The following SEPTIN9 variants were observed in gnomAD, a reference collection of about 807,000 sequenced individuals.
SEPTIN9 encodes septin-9.
A neutral mutation model predicts 56.6 loss-of-function variants in SEPTIN9; 13 were observed. That is an observed-to-expected ratio of 0.23 (90% CI 0.15 to 0.37). SEPTIN9 has a LOEUF of 0.37. SEPTIN9 is among the 10% of genes least tolerant of loss of function. The pLI, the probability that SEPTIN9 is intolerant of heterozygous loss-of-function variation, is 1.00. For missense variants in SEPTIN9, 650 were observed against 823.1 expected, an observed-to-expected ratio of 0.79 and a Z score of 2.57; for synonymous variants, 332 against 334.1, an observed-to-expected ratio of 0.99 and a Z score of 0.07.
intron 3 of SEPTIN9, chr17:77,469,394 G>C (rs1037233783): frequency 2.0e-5 from 3 of 152,494 alleles, no homozygotes; most frequent in African/African-American, 4.8e-5. Flanking sequence ...CAGCTAGGAG[G>C]CAAGGGTGAC....
Position 77,319,729 on chromosome 17 carries a change from T to C in SEPTIN9, c.76+12532T>C. 2 of 1,070,514 alleles carry C rather than the reference T, an allele frequency of 1.9e-6. No individual in the cohort carries two copies. The highest frequency in any genetic ancestry group is 2.3e-6 in the Non-Finnish European group (2 of 881,934). The allele number at this position is 1,070,514 out of a possible 1,614,324, so 66.3% of individuals were successfully genotyped here. On this transcript the variant is annotated intron_variant, in intron 2 of 11. Transcript: ENST00000427177. The surrounding 1 kb of genome is among the most constrained non-coding windows in gnomAD (Gnocchi z 5.3). The stretch of plus-strand genomic sequence containing the variant: ...CGCAGGAACTGGGCTTTTTAAACCC[T>C]TAAGCCCAAGGAAATCGTAGCATCG...
intron 2 of SEPTIN9, among the ~76,000 whole-genome samples, chr17:77,395,267 C>T (rs2035668550): frequency 6.6e-6 from 1 of 151,924 alleles, no homozygotes; most frequent in South Asian, 2.1e-4. Context: ...GTGGCTCACG[C>T]CTGTAATCGC....
intron 7 of SEPTIN9, among the ~76,000 whole-genome samples, chr17:77,490,431 A>G (rs2039975712): frequency 6.6e-6 from 1 of 152,216 alleles, no homozygotes; most frequent in South Asian, 2.1e-4. Context: ...TGCTGAGCCA[A>G]CGACAGCCCT....
rs144971305 is a variant in SEPTIN9, at chr17:77,398,525, G to A, written c.77-3534G>A. The stretch of plus-strand genomic sequence containing the variant: ...AGGAGGAGGAGGCGGTGGCATGCTC[G>A]TTTGGGGGGATGGCGTGAGCCAGGG... On this transcript the variant is annotated intron_variant, in intron 2 of 11. Coordinates refer to ENST00000427177, the MANE Select transcript of SEPTIN9 (RefSeq NM_001113491.2). 8.0e-3 allele frequency among the ~76,000 whole-genome samples: 1,217 copies of A among 152,300 alleles called. 20 individuals are homozygous for A. The highest frequency in any genetic ancestry group is 0.028 in the African/African-American group (1,154 of 41,570).
At chr17:77,308,310 G>A (rs1000282634) in intron 2 of SEPTIN9, among the ~76,000 whole-genome samples, 2 of 152,214 alleles carry the variant, frequency 1.3e-5, no homozygotes, top group Admixed American at 1.3e-4. Context: ...CAAATAGAGC[G>A]CCTGTGGACC....
intron 3 of SEPTIN9, among the ~76,000 whole-genome samples, chr17:77,443,365 G>T (rs1260801865): frequency 1.3e-5 from 2 of 152,142 alleles, no homozygotes; most frequent in African/African-American, 4.8e-5. Context: ...GAATAATAGA[G>T]CTGGCTACAG....
chr17:77,491,427 G>A (rs2040023127), intron 8 of SEPTIN9, among the ~76,000 whole-genome samples: 1 of 151,774 alleles, frequency 6.6e-6, no homozygotes, highest in South Asian at 2.1e-4. Flanking sequence ...CTAACCCTTG[G>A]GCTCAAGGGA....
intron 3 of SEPTIN9, among the ~76,000 whole-genome samples, chr17:77,478,496 A>C (rs747085252): frequency 6.6e-6 from 1 of 152,234 alleles, no homozygotes; most frequent in Non-Finnish European, 1.5e-5. Context: ...GCCCGCGGTC[A>C]AATGAATGGA....
intron 2 of SEPTIN9, chr17:77,376,810 A>G (rs544664818): frequency 2.6e-5 from 4 of 152,364 alleles, no homozygotes; most frequent in South Asian, 2.1e-4. Flanking sequence ...AATTCTGCCA[A>G]TGTCCCATGT....
chr17:77,408,802 A>G (rs1598327540), intron 3 of SEPTIN9, among the ~76,000 whole-genome samples: 2 of 152,282 alleles, frequency 1.3e-5, no homozygotes, highest in Admixed American at 6.5e-5. Context: ...GAAGGGCCCC[A>G]TAGACAGCCC....
At chr17:77,428,465 A>G (rs1278809281) in intron 3 of SEPTIN9, among the ~76,000 whole-genome samples, 1 of 152,222 alleles carries the variant, frequency 6.6e-6, no homozygotes, top group Non-Finnish European at 1.5e-5. Flanking sequence ...TATCCAGAAA[A>G]AGAGGAACTA....
rs552085062 is a variant in SEPTIN9, at chr17:77,441,359, C to T, written c.721+38656C>T. Among the ~76,000 whole-genome samples the T allele has an allele frequency of 4.4e-4, 67 of 152,314 alleles. 1 individual carries two copies. Among genetic ancestry groups the T allele is most frequent in the African/African-American group, 1.5e-3 (61 of 41,578 alleles). Reference sequence around the variant, plus strand: ...AGGTCTGACACTGCGGCCCCTGCCCCGGAGGGAAAAACAAGGCCCTCTCTG... The same window carrying T: ...AGGTCTGACACTGCGGCCCCTGCCCTGGAGGGAAAAACAAGGCCCTCTCTG... On this transcript the variant is annotated intron_variant, in intron 3 of 11. Coordinates refer to ENST00000427177, the MANE Select transcript of SEPTIN9 (RefSeq NM_001113491.2).
intron 2 of SEPTIN9, among the ~76,000 whole-genome samples, chr17:77,347,441 T>G (rs2033925161): frequency 6.6e-6 from 1 of 152,076 alleles, no homozygotes; most frequent in Admixed American, 6.6e-5. Flanking sequence ...CCTTTAATTC[T>G]TTCAGGTTTT....
Position 77,438,848 on chromosome 17 carries a change from T to C in SEPTIN9, c.721+36145T>C, listed in dbSNP as rs188750073. Among the ~76,000 whole-genome samples the C allele has an allele frequency of 1.5e-4, 23 of 152,338 alleles. No individual in the cohort carries two copies. In the South Asian group the frequency reaches 2.3e-3, roughly 15 times the overall value. ...CCGGAAGAATTAGGATAAATTCCCC[T>C]GTGGATCTCAAGCTCTGGGAGATTC... On this transcript the variant is annotated intron_variant, in intron 3 of 11. Transcript: ENST00000427177.
At chr17:77,457,484 G>A (rs760695979) in intron 3 of SEPTIN9, among the ~76,000 whole-genome samples, 2 of 152,238 alleles carry the variant, frequency 1.3e-5, no homozygotes, top group African/African-American at 4.8e-5. Flanking sequence ...CGTTAAGCGA[G>A]TTCCGTGTTT....
Position 77,329,624 on chromosome 17 carries a change from G to T in SEPTIN9, c.76+22427G>T, listed in dbSNP as rs913860514. On this transcript the variant is annotated intron_variant, in intron 2 of 11. Coordinates refer to ENST00000427177, the MANE Select transcript of SEPTIN9 (RefSeq NM_001113491.2). This position sits in a 1 kb window ranked among gnomAD's most constrained non-coding sequence, Gnocchi z 4.3. ...GTTTCGTGGGATGCTGAGTCTCTGG[G>T]CAGGGACATGGTGAGCCCTGGTGTG... Among the ~76,000 whole-genome samples the T allele has an allele frequency of 1.3e-5, 2 of 152,074 alleles. No homozygotes were observed. The highest frequency in any genetic ancestry group is 4.8e-5 in the African/African-American group (2 of 41,404).
intron 3 of SEPTIN9, among the ~76,000 whole-genome samples, chr17:77,458,720 G>A (rs2038327881): frequency 6.6e-6 from 1 of 152,200 alleles, no homozygotes; most frequent in Non-Finnish European, 1.5e-5. Context: ...TGAGTGGCGG[G>A]CGGGAAGTGG....
In SEPTIN9 at chr17:77,493,034, A is replaced by C. The variant is rs768075619; in HGVS notation, c.1531A>C (p.Lys511Gln). 8 of 1,569,050 alleles carry C rather than the reference A, an allele frequency of 5.1e-6. No homozygotes were observed. In the East Asian group the frequency reaches 1.7e-4, roughly 33 times the overall value. The change falls in exon 10 of 12, where the codon AAG (lysine) becomes CAG (glutamine). Residue 511 changes from lysine (K) to glutamine (Q), a missense_variant. By Grantham distance (53) the Lys-to-Gln change is moderately conservative. This residue lies in a region of SEPTIN9 where 333 missense variants were observed against 494.0 expected (regional missense o/e 0.67). Transcript: ENST00000427177. ...GSDHEYQVNG[K>Q]RILGRKTKWG... The stretch of plus-strand genomic sequence containing the variant: ...TGACCACGAGTACCAGGTCAACGGC[A>C]AGAGGATCCTTGGGAGGAAGACCAA...
rs567420746 is a variant in SEPTIN9 at position 77,309,207 on chromosome 17, G to A, written c.76+2010G>A. ...CTGCATGGACACAGCCTCCCCCGGC[G>A]GTTGCTTCCCTCTGCTCAGACTGGC... On this transcript the variant is annotated intron_variant, in intron 2 of 11. Coordinates refer to ENST00000427177, the MANE Select transcript of SEPTIN9 (RefSeq NM_001113491.2). Among the ~76,000 whole-genome samples, 19 of 152,372 alleles carry A rather than the reference G, an allele frequency of 1.2e-4. No homozygotes were observed. In the East Asian group the frequency reaches 3.1e-3, roughly 25 times the overall value.
Sources: allele counts gnomAD v4.1 joint callset (sites outside exome capture counted in the v4.1 genomes callset), GRCh38; gene constraint gnomAD v4.1.1; regional missense constraint gnomAD v4.1.1; non-coding constraint Gnocchi (gnomAD v3.1); transcripts MANE v1.5; gene names NCBI Gene and HGNC (gene_info 2026-07-23, HGNC 2026-07-21).